Variants in ASAP1 observed in about 807,000 individuals in gnomAD.
The protein encoded by ASAP1 is arf-GAP with SH3 domain, ANK repeat and PH domain-containing protein 1.
Under a neutral mutation model 145.2 loss-of-function variants are expected in ASAP1, and 43 were observed. The observed-to-expected ratio is 0.30, with a 90% CI of 0.23 to 0.38. ASAP1 has a LOEUF of 0.38. Ranked by LOEUF, ASAP1 falls within the 10% of genes least tolerant of loss-of-function variation. The probability of loss-of-function intolerance (pLI) is 1.00; values close to 1 mark genes in which losing one functional copy is unlikely to be tolerated. For missense variants in ASAP1, 1,018 were observed against 1,355.3 expected, an observed-to-expected ratio of 0.75 and a Z score of 3.91; for synonymous variants, 546 against 515.5, an observed-to-expected ratio of 1.06 and a Z score of -0.80.
intron 3 of ASAP1, among the ~76,000 whole-genome samples, chr8:130,334,282 A>G (rs959538589): frequency 1.3e-5 from 2 of 152,200 alleles, no homozygotes; most frequent in Admixed American, 1.3e-4. Context: ...AATATCAAGC[A>G]CATCAAATAT....
chr8:130,134,683 C>A (rs1490407135), intron 14 of ASAP1, among the ~76,000 whole-genome samples: 1 of 152,172 alleles, frequency 6.6e-6, no homozygotes, highest in African/African-American at 2.4e-5. Flanking sequence ...CCACAAATAC[C>A]ATGCATACAT....
At chr8:130,195,000 T>C (rs930976310) in intron 5 of ASAP1, 8 of 152,156 alleles carry the variant, frequency 5.3e-5, no homozygotes, top group Non-Finnish European at 8.8e-5. Context: ...ATGACCTTCA[T>C]TATCTTCAAT....
Position 130,062,595 on chromosome 8 carries a change from C to T in ASAP1, c.2702-1526G>A, listed in dbSNP as rs1319317294. Among the ~76,000 whole-genome samples the T allele has an allele frequency of 2.0e-5, 3 of 152,324 alleles. No individual in the cohort carries two copies. In the South Asian group the frequency reaches 6.2e-4, roughly 32 times the overall value. On this transcript the variant is annotated intron_variant, in intron 27 of 29. Transcript: ENST00000518721. ...GGTGGTGGGGCTAGAAAGGCCTTGG[C>T]TGTGAGTCACACTGATGGGGCAAGA...
intron 13 of ASAP1, 147 bp downstream of exon 13, chr8:130,152,589 A>G (rs2097648859): frequency 1.8e-6 from 1 of 542,862 alleles, no homozygotes; most frequent in Middle Eastern, 3.5e-4. Context: ...ACAAGATAAA[A>G]CTTTTTTTTT....
intron 11 of ASAP1, among the ~76,000 whole-genome samples, chr8:130,164,127 A>G (rs1416271880): frequency 1.3e-5 from 2 of 152,198 alleles, no homozygotes; most frequent in Admixed American, 1.3e-4. Flanking sequence ...GGACCAGGCT[A>G]CAGGACAGAT....
chr8:130,424,167 T>C (rs533914849), intron 1 of ASAP1, among the ~76,000 whole-genome samples: 81 of 152,298 alleles, frequency 5.3e-4, no homozygotes, highest in African/African-American at 1.8e-3. Context: ...TCAATAAATG[T>C]GAGCTGAGCT....
At chr8:130,268,791 C>A (rs1421640731) in intron 3 of ASAP1, among the ~76,000 whole-genome samples, 1 of 152,138 alleles carries the variant, frequency 6.6e-6, no homozygotes, top group East Asian at 1.9e-4. Flanking sequence ...GATAGCACTC[C>A]AGTTTAAGAA....
At chr8:130,278,071 G>GAA (rs200810772) in intron 3 of ASAP1, among the ~76,000 whole-genome samples, 34 of 108,216 alleles carry the variant, frequency 3.1e-4, no homozygotes, top group African/African-American at 1.1e-3. Context: ...TTGAAAACCA[G>GAA]AAAAAAAAAA....
rs148035395 is a variant in ASAP1 at position 130,136,958 on chromosome 8, C to G, written c.1161G>C (p.Leu387=). 44 of 1,613,940 alleles carry G rather than the reference C, an allele frequency of 2.7e-5. No individual in the cohort carries two copies. The African/African-American group carries it at 5.3e-4, about 20-fold the overall frequency. Residue 387 remains leucine, a synonymous_variant, in exon 14 of 30, where the codon CTG becomes CTC. Coordinates refer to ENST00000518721, the MANE Select transcript of ASAP1 (RefSeq NM_018482.4). ...GAGAGAAAAAGGACTCACGTGATAT[C>G]AGGTCAAAAGATTTTTTGTCTTCGG... The part of the protein sequence containing the change: ...PNAEDKKSFD[L]ISHNRTYHFQ...
At chr8:130,092,299 T>C (rs144797150) in intron 24 of ASAP1, among the ~76,000 whole-genome samples, 156 bp from the exon 25 acceptor site, 33 of 151,372 alleles carry the variant, frequency 2.2e-4, no homozygotes, top group African/African-American at 8.0e-4. Context: ...ACCTAATAAC[T>C]CACAAGTAGG....
chr8:130,245,598 C>T (rs996794571), intron 3 of ASAP1, among the ~76,000 whole-genome samples: 1 of 152,180 alleles, frequency 6.6e-6, no homozygotes, highest in African/African-American at 2.4e-5. Context: ...AGAAAAGGTA[C>T]TGCATAAAAC....
At chr8:130,315,025 G>A (rs758715570) in intron 3 of ASAP1, among the ~76,000 whole-genome samples, 4 of 152,124 alleles carry the variant, frequency 2.6e-5, no homozygotes, top group Admixed American at 6.5e-5. Context: ...GTCTGCTCCC[G>A]TCACAATTTT....
At chr8:130,062,111 T>C (rs1297031959) in intron 27 of ASAP1, among the ~76,000 whole-genome samples, 1 of 152,242 alleles carries the variant, frequency 6.6e-6, no homozygotes, top group African/African-American at 2.4e-5. Flanking sequence ...CCATCACTGT[T>C]AGGGTTCTTT....
chr8:130,123,940 A>AAT (rs1491236526), intron 18 of ASAP1, 73 bp downstream of exon 18: 1 of 1,201,878 alleles, frequency 8.3e-7, no homozygotes, highest in Admixed American at 2.0e-5. Flanking sequence ...AAAAAAAAAA[A>AAT]GAAGTTTTTT....
Position 130,333,367 on chromosome 8 carries a change from C to T in ASAP1, c.186+24650G>A, listed in dbSNP as rs563378790. ...CTGTCATCCCAGCACTTTGGGAGGC[C>T]GAGGTGGATGGATCACCTGAGGTCA... On this transcript the variant is annotated intron_variant, in intron 3 of 29. Transcript: ENST00000518721. Among the ~76,000 whole-genome samples the T allele has an allele frequency of 2.2e-3, 329 of 152,222 alleles. 1 individual carries two copies. The highest frequency in any genetic ancestry group is 7.5e-3 in the African/African-American group (313 of 41,534).
intron 24 of ASAP1, among the ~76,000 whole-genome samples, chr8:130,101,376 T>C (rs1279871240): frequency 1.3e-5 from 2 of 152,246 alleles, no homozygotes; most frequent in Non-Finnish European, 2.9e-5. Context: ...CTTGGTAGTA[T>C]GATCATTTTA....
At chr8:130,373,730 C>T (rs913128958) in intron 2 of ASAP1, among the ~76,000 whole-genome samples, 2 of 151,682 alleles carry the variant, frequency 1.3e-5, no homozygotes, top group Non-Finnish European at 1.5e-5. Flanking sequence ...CACCTGTAAT[C>T]CAGCTACTTG....
intron 2 of ASAP1, among the ~76,000 whole-genome samples, chr8:130,363,480 T>C (rs1020673720): frequency 7.2e-5 from 11 of 152,246 alleles, no homozygotes; most frequent in Non-Finnish European, 1.0e-4. Flanking sequence ...TTTATCCTTC[T>C]TTAAGCCTCA....
At chr8:130,093,533 G>A (rs547014186) in intron 24 of ASAP1, among the ~76,000 whole-genome samples, 30 of 152,016 alleles carry the variant, frequency 2.0e-4, no homozygotes, top group Non-Finnish European at 3.4e-4. Flanking sequence ...CAGGTGTGGC[G>A]GTGCACGCCT....
Sources: gnomAD v4.1 joint callset for allele counts (sites outside exome capture counted in the v4.1 genomes callset) on GRCh38, gnomAD v4.1.1 for gene constraint, MANE v1.5 for transcripts, NCBI Gene and HGNC (gene_info 2026-07-23, HGNC 2026-07-21) for gene names.